Variants in FER observed in about 807,000 individuals in gnomAD.
The protein encoded by FER is tyrosine-protein kinase Fer.
Under a neutral mutation model 111.0 loss-of-function variants are expected in FER, and 63 were observed. The observed-to-expected ratio is 0.57, with a 90% confidence interval of 0.46 to 0.70. The LOEUF is 0.70. Among genes scored for constraint, FER ranks in the 30% least tolerant of loss-of-function variants. FER has a pLI of 0.00. For missense variants in FER, 914 were observed against 954.0 expected (o/e 0.96, Z 0.55); for synonymous variants, 327 against 313.9 (o/e 1.04, Z -0.44).
chr5:108,794,911 G>C (rs2150035678), intron 2 of FER, among the ~76,000 whole-genome samples: 1 of 152,294 alleles, frequency 6.6e-6, no homozygotes, highest in Non-Finnish European at 1.5e-5. Context: ...TCTTGTACAT[G>C]AATATTTACA....
chr5:108,936,385 A>C (rs1412058843), intron 10 of FER, among the ~76,000 whole-genome samples: 2 of 152,138 alleles, frequency 1.3e-5, no homozygotes, highest in East Asian at 3.9e-4. Context: ...GATGACTCTT[A>C]ATCAGATGTC....
chr5:108,782,190 G>C (rs572073327), intron 2 of FER, among the ~76,000 whole-genome samples: 1 of 152,076 alleles, frequency 6.6e-6, no homozygotes, highest in Non-Finnish European at 1.5e-5. Context: ...GTGGTTTGCC[G>C]TGTGACTTCA....
At chr5:109,127,587 A>G (rs938988579) in intron 17 of FER, among the ~76,000 whole-genome samples, 1 of 151,726 alleles carries the variant, frequency 6.6e-6, no homozygotes, top group Non-Finnish European at 1.5e-5. Context: ...TTGTATTTTT[A>G]TTAGAGACGG....
intron 16 of FER, chr5:109,051,915 A>C (rs965305514): frequency 1.0e-5 from 16 of 1,571,878 alleles, no homozygotes; most frequent in African/African-American, 4.0e-5. Flanking sequence ...TGTGAACAGC[A>C]CTCAAGCTGA....
At chr5:108,759,041 G>GA (rs764768800) in intron 1 of FER, among the ~76,000 whole-genome samples, 2 of 152,216 alleles carry the variant, frequency 1.3e-5, no homozygotes, top group Admixed American at 6.5e-5. Context: ...TTAAGACTAG[G>GA]ATCTCTGGAT....
intron 5 of FER, among the ~76,000 whole-genome samples, chr5:108,854,950 A>C: frequency 7.0e-6 from 1 of 143,474 alleles, no homozygotes; most frequent in African/African-American, 2.8e-5. Context: ...CTGTCTCAAA[A>C]AAAAAAAAAA....
At chr5:109,048,357 A>G (rs1772291550) in intron 16 of FER, among the ~76,000 whole-genome samples, 1 of 152,166 alleles carries the variant, frequency 6.6e-6, no homozygotes, top group African/African-American at 2.4e-5. Context: ...AATGGTTTAA[A>G]TGTGTAAATA....
At chr5:108,869,612 A>G (rs1363151001) in intron 6 of FER, among the ~76,000 whole-genome samples, 2 of 152,082 alleles carry the variant, frequency 1.3e-5, no homozygotes, top group Non-Finnish European at 2.9e-5. Flanking sequence ...AGAGATTGAC[A>G]TCGTTTTCTT....
chr5:109,162,886 G>A (rs1231208644), intron 17 of FER, among the ~76,000 whole-genome samples: 1 of 151,638 alleles, frequency 6.6e-6, no homozygotes, highest in Non-Finnish European at 1.5e-5. Context: ...ACAATAAAAT[G>A]CACCAATTTT....
chr5:108,890,139 T>C (rs867267863), intron 9 of FER, among the ~76,000 whole-genome samples: 13 of 151,988 alleles, frequency 8.6e-5, no homozygotes, highest in African/African-American at 3.1e-4. Flanking sequence ...TAGAAACCAT[T>C]AGTGTGTTTT....
At chr5:108,805,048 C>G (rs1757052662) in intron 3 of FER, among the ~76,000 whole-genome samples, 1 of 151,258 alleles carries the variant, frequency 6.6e-6, no homozygotes, top group African/African-American at 2.4e-5. Flanking sequence ...GTTTCAGTTT[C>G]TTCCTTGATA....
At chr5:109,167,901 T>C (rs772227088) in intron 17 of FER, among the ~76,000 whole-genome samples, 6 of 151,964 alleles carry the variant, frequency 3.9e-5, no homozygotes, top group African/African-American at 7.3e-5. Flanking sequence ...GAAGGAAAAA[T>C]AGCTGAGGGT....
intron 10 of FER, among the ~76,000 whole-genome samples, chr5:108,918,212 C>G (rs1408509230): frequency 3.9e-5 from 6 of 152,154 alleles, no homozygotes; most frequent in Admixed American, 3.9e-4. Context: ...GGAAGCAAAG[C>G]TTTTCATTGT....
At chr5:108,982,574 A>C (rs1454407759) in intron 13 of FER, among the ~76,000 whole-genome samples, 1 of 152,080 alleles carries the variant, frequency 6.6e-6, no homozygotes. Context: ...TATCCGAAAT[A>C]ATATTCTGCA....
chr5:109,186,428 T>TGTTATGAGAC, intron 19 of FER, 106 bp downstream of exon 19: 1 of 1,529,852 alleles, frequency 6.5e-7, no homozygotes, highest in Admixed American at 1.7e-5. Flanking sequence ...TGTTTGGTTG[T>TGTTATGAGAC]GTTATGAGAC....
At chr5:109,002,734 G>T (rs1764959912) in intron 13 of FER, among the ~76,000 whole-genome samples, 1 of 152,032 alleles carries the variant, frequency 6.6e-6, no homozygotes. Context: ...CTGACAAAGG[G>T]CTAATATCCA....
At chr5:108,904,798 A>G (rs1750522631) in intron 10 of FER, among the ~76,000 whole-genome samples, 1 of 152,196 alleles carries the variant, frequency 6.6e-6, no homozygotes, top group East Asian at 1.9e-4. Flanking sequence ...TGTCAGTTAT[A>G]GATATTAATT....
intron 17 of FER, among the ~76,000 whole-genome samples, chr5:109,109,950 G>A (rs1401319750): frequency 6.6e-6 from 1 of 152,050 alleles, no homozygotes; most frequent in Non-Finnish European, 1.5e-5. Flanking sequence ...TAAACATAGG[G>A]CTATACTGGT....
At chr5:109,140,018 G>A (rs1388109392) in intron 17 of FER, among the ~76,000 whole-genome samples, 6 of 152,128 alleles carry the variant, frequency 3.9e-5, no homozygotes, top group Non-Finnish European at 5.9e-5. Flanking sequence ...CTCAAATTGC[G>A]AATATCTTTA....
Sources: allele counts gnomAD v4.1 joint callset (sites outside exome capture counted in the v4.1 genomes callset), GRCh38; gene constraint gnomAD v4.1.1; transcripts MANE v1.5; gene names NCBI Gene and HGNC (gene_info 2026-07-23, HGNC 2026-07-21).